The following HEATR5A variants were observed in gnomAD, a reference collection of about 807,000 sequenced individuals.
The protein encoded by HEATR5A is HEAT repeat-containing protein 5A.
In HEATR5A, 178 loss-of-function variants were observed where a neutral mutation model predicts 218.8. The observed-to-expected ratio is 0.81, with a 90% CI of 0.72 to 0.92. The LOEUF (loss-of-function observed/expected upper bound fraction) is 0.92, where lower values mean the gene tolerates loss of function less well. HEATR5A is among the 40% of genes least tolerant of loss of function. The pLI, the probability that HEATR5A is intolerant of heterozygous loss-of-function variation, is 0.00. For missense variants in HEATR5A, 2,420 were observed against 2,418.9 expected (o/e 1.00, Z -0.01); for synonymous variants, 864 against 871.6 (o/e 0.99, Z 0.15).
intron 21 of HEATR5A, among the ~76,000 whole-genome samples, chr14:31,342,579 G>A (rs142967732): frequency 6.6e-6 from 1 of 152,270 alleles, no homozygotes; most frequent in African/African-American, 2.4e-5. Context: ...GGTAGCTGAG[G>A]CTAGAAGAGA....
intron 11 of HEATR5A, among the ~76,000 whole-genome samples, chr14:31,375,872 A>G (rs955958806): frequency 6.6e-6 from 1 of 152,208 alleles, no homozygotes; most frequent in Non-Finnish European, 1.5e-5. Flanking sequence ...TACAATGATA[A>G]CATTATCAAT....
intron 4 of HEATR5A, among the ~76,000 whole-genome samples, chr14:31,397,247 C>G (rs544260000): frequency 6.6e-6 from 1 of 151,918 alleles, no homozygotes; most frequent in South Asian, 2.1e-4. Flanking sequence ...TGTGACTTTC[C>G]AACATTTCTA....
At chr14:31,408,232 T>C (rs952130477) in intron 1 of HEATR5A, among the ~76,000 whole-genome samples, 1 of 152,184 alleles carries the variant, frequency 6.6e-6, no homozygotes, top group Non-Finnish European at 1.5e-5. Flanking sequence ...GCTTTTCAAA[T>C]TGGGATAACT....
intron 1 of HEATR5A, among the ~76,000 whole-genome samples, chr14:31,411,442 C>T (rs192891189): frequency 1.6e-4 from 24 of 152,208 alleles, no homozygotes; most frequent in African/African-American, 4.6e-4. Context: ...AAGAAAACTA[C>T]GAGTGCAGAA....
chr14:31,369,272 C>T lies in HEATR5A; in HGVS notation c.1961+2538G>A, dbSNP rs544964730. ...CTGGGGCTGCAGTGAACCATGTTCACGCCACTGCACTCCAGCCTAGGTGAC... is the reference window on the plus strand; with the variant it reads ...CTGGGGCTGCAGTGAACCATGTTCATGCCACTGCACTCCAGCCTAGGTGAC... On this transcript the variant is annotated intron_variant, in intron 13 of 35. Coordinates refer to ENST00000543095, the MANE Select transcript of HEATR5A (RefSeq NM_015473.4). Among the ~76,000 whole-genome samples, 17 of 151,948 alleles carry T rather than the reference C, an allele frequency of 1.1e-4. No individual in the cohort carries two copies. In the East Asian group the frequency reaches 3.1e-3, roughly 28 times the overall value.
chr14:31,321,369 G>C, intron 25 of HEATR5A, 130 bp downstream of exon 25: 1 of 590,154 alleles, frequency 1.7e-6, no homozygotes, highest in Non-Finnish European at 2.9e-6. Flanking sequence ...TTGAACTCCT[G>C]GGCTCAAAGC....
intron 14 of HEATR5A, among the ~76,000 whole-genome samples, chr14:31,363,355 G>T (rs1901692842): frequency 6.6e-6 from 1 of 152,090 alleles, no homozygotes; most frequent in Admixed American, 6.5e-5. Flanking sequence ...GTGGAATACA[G>T]AAATTATCTC....
intron 23 of HEATR5A, among the ~76,000 whole-genome samples, chr14:31,324,071 C>T (rs1900187279): frequency 6.6e-6 from 1 of 151,756 alleles, no homozygotes; most frequent in South Asian, 2.1e-4. Flanking sequence ...AAAACAAACA[C>T]AATAAAAAAT....
intron 23 of HEATR5A, among the ~76,000 whole-genome samples, chr14:31,325,043 G>C (rs757221946): frequency 9.2e-5 from 14 of 152,156 alleles, no homozygotes; most frequent in African/African-American, 1.7e-4. Flanking sequence ...ACAGTGGAAG[G>C]CTTGTGGATT....
rs1899043811 is a variant in HEATR5A at position 31,291,837 on chromosome 14, G to GTGTT, written c.*1464_*1467dup. On this transcript the variant is annotated 3_prime_UTR_variant, in exon 36 of 36. Transcript: ENST00000543095. ...ATGTAATTTAGAAAAAATGATTGTA[G>GTGTT]TGTTAGAGTTTGTCAAATGTTTTCA... 6.6e-6 allele frequency: 1 copy of GTGTT among 152,216 alleles called. No homozygotes were observed. The highest frequency in any genetic ancestry group is 2.1e-4 in the South Asian group (1 of 4,832). The allele number at this position is 152,216 out of a possible 1,614,324, so 9.4% of individuals were successfully genotyped here.
intron 28 of HEATR5A, 115 bp from the exon 29 acceptor site, chr14:31,309,297 TTCAG>T: frequency 8.9e-7 from 1 of 1,119,042 alleles, no homozygotes; most frequent in Non-Finnish European, 1.3e-6. Flanking sequence ...TGTACCCTTT[TTCAG>T]TCAGTTCCCT....
chr14:31,326,883 G>A (rs770197593), intron 22 of HEATR5A, among the ~76,000 whole-genome samples: 34 of 151,752 alleles, frequency 2.2e-4, no homozygotes, highest in Non-Finnish European at 4.0e-4. Flanking sequence ...GACCTGAGGC[G>A]ATCCACCCAT....
intron 1 of HEATR5A, among the ~76,000 whole-genome samples, chr14:31,403,290 T>C (rs1041896841): frequency 6.6e-6 from 1 of 152,122 alleles, no homozygotes; most frequent in African/African-American, 2.4e-5. Context: ...TGCAAAAACT[T>C]GCTAAACAGA....
chr14:31,367,962 A>T (rs894683148), intron 13 of HEATR5A, among the ~76,000 whole-genome samples: 3 of 151,908 alleles, frequency 2.0e-5, no homozygotes, highest in Non-Finnish European at 2.9e-5. Context: ...CGTATGGGAC[A>T]GTTTGTTATC....
chr14:31,347,066 T>C (rs1402083426), intron 19 of HEATR5A, among the ~76,000 whole-genome samples: 1 of 152,224 alleles, frequency 6.6e-6, no homozygotes, highest in African/African-American at 2.4e-5. Flanking sequence ...TAAGCCTCAG[T>C]TTTATTTCCC....
intron 14 of HEATR5A, 117 bp from the exon 15 acceptor site, chr14:31,359,174 CA>C: frequency 1.1e-6 from 1 of 929,108 alleles, no homozygotes; most frequent in Non-Finnish European, 1.6e-6. Context: ...ATATCACAGC[CA>C]AAAGACTGTA....
intron 16 of HEATR5A, among the ~76,000 whole-genome samples, chr14:31,352,486 G>GCTT (rs1901266906): frequency 6.6e-6 from 1 of 152,178 alleles, no homozygotes; most frequent in East Asian, 1.9e-4. Flanking sequence ...ATTCTGCTGA[G>GCTT]GCTACAAGGC....
intron 2 of HEATR5A, among the ~76,000 whole-genome samples, chr14:31,402,452 T>C (rs886377158): frequency 2.0e-5 from 3 of 152,204 alleles, no homozygotes; most frequent in African/African-American, 7.2e-5. Context: ...CTTGAATTCA[T>C]ACACCTCAAG....
At chr14:31,297,497 A>AACAAACAG (rs1899226382) in intron 33 of HEATR5A, 1 of 152,604 alleles carries the variant, frequency 6.6e-6, no homozygotes, top group African/African-American at 2.4e-5. Context: ...CAAACAAACA[A>AACAAACAG]ACAAACAAAC....
Sources: allele counts gnomAD v4.1 joint callset (sites outside exome capture counted in the v4.1 genomes callset), GRCh38; gene constraint gnomAD v4.1.1; transcripts MANE v1.5; gene names NCBI Gene and HGNC (gene_info 2026-07-23, HGNC 2026-07-21).